The following HEPHL1 variants were observed in gnomAD, a reference collection of about 807,000 sequenced individuals.
The protein encoded by HEPHL1 is ferroxidase HEPHL1.
HEPHL1 carries 123 observed loss-of-function variants against 122.0 expected under a neutral mutation model. The observed-to-expected ratio is 1.01, with a 90% CI of 0.87 to 1.17. HEPHL1 has a LOEUF of 1.17. HEPHL1 is among the 50% of genes most tolerant of loss of function. The probability of loss-of-function intolerance (pLI) is 0.00; values close to 1 mark genes in which losing one functional copy is unlikely to be tolerated. For missense variants in HEPHL1, 1,452 were observed against 1,430.5 expected (o/e 1.01, Z -0.24); for synonymous variants, 527 against 508.9 (o/e 1.04, Z -0.48).
In HEPHL1 at chr11:94,104,726, T is replaced by G; in HGVS notation, c.2881T>G (p.Phe961Val). 1 of 1,613,538 alleles carries G rather than the reference T, an allele frequency of 6.2e-7. No individual in the cohort carries two copies. Among genetic ancestry groups the G allele is most frequent in the Non-Finnish European group, 8.5e-7 (1 of 1,179,502 alleles). ...ACGAGATTTTAAGCGCACTGATGAT[T>G]TTGAGGAAAGCAACAGAATGCATGG... Reference protein sequence around the residue: ...DPRDFKRTDDFEESNRMHAIN... With the variant: ...DPRDFKRTDDVEESNRMHAIN... The change falls in exon 16 of 20, where the codon TTT (phenylalanine) becomes GTT (valine). Residue 961 changes from phenylalanine (F) to valine (V), a missense_variant. Phe to Val is a conservative substitution (Grantham distance 50, BLOSUM62 -1). Coordinates refer to ENST00000315765, the MANE Select transcript of HEPHL1 (RefSeq NM_001098672.2).
intron 18 of HEPHL1, 28 bp from the exon 19 acceptor site, chr11:94,111,509 A>G: frequency 6.5e-7 from 1 of 1,550,368 alleles, no homozygotes; most frequent in Non-Finnish European, 8.8e-7. Context: ...GTTGTTAATA[A>G]AACAATGAAC....
intron 17 of HEPHL1, among the ~76,000 whole-genome samples, chr11:94,109,618 C>T (rs981840932): frequency 6.6e-6 from 1 of 152,112 alleles, no homozygotes; most frequent in Non-Finnish European, 1.5e-5. Flanking sequence ...GCTTTTTCTT[C>T]TTTAATCTGT....
chr11:94,084,334 G>A (rs3020012), intron 10 of HEPHL1, among the ~76,000 whole-genome samples: 6 of 146,264 alleles, frequency 4.1e-5, no homozygotes, highest in African/African-American at 1.5e-4. Flanking sequence ...CCCTCTCTCT[G>A]TTTAAATAAA....
chr11:94,088,407 A>T (rs1023605898), intron 11 of HEPHL1, among the ~76,000 whole-genome samples: 1 of 152,206 alleles, frequency 6.6e-6, no homozygotes, highest in African/African-American at 2.4e-5. Flanking sequence ...GTTCTTTTTA[A>T]ACTGGGCTGG....
chr11:94,111,956 C>G lies in HEPHL1; in HGVS notation c.*62C>G. ...CCACAGCTGGCCAGATGGCAGCCAA[C>G]AGGGAAACTGGACCAAGGCATCACT... is the stretch of plus-strand genomic sequence containing the variant. On this transcript the variant is annotated 3_prime_UTR_variant, in exon 20 of 20. Coordinates refer to ENST00000315765, the MANE Select transcript of HEPHL1 (RefSeq NM_001098672.2). 1 of 1,256,618 alleles carries G rather than the reference C, an allele frequency of 8.0e-7. No individual in the cohort carries two copies. 77.8% of individuals were successfully genotyped at this position (1,256,618 alleles called of 1,614,324 possible). A position where few individuals can be genotyped will look rare whatever the true frequency, so the allele number is the denominator to read the frequency against.
chr11:94,037,652 T>C (rs1945738965), intron 1 of HEPHL1, among the ~76,000 whole-genome samples: 1 of 152,118 alleles, frequency 6.6e-6, no homozygotes, highest in Non-Finnish European at 1.5e-5. Flanking sequence ...GACCTGCAGC[T>C]GAGGGTCCTG....
chr11:94,076,584 G>A (rs1946126807), intron 9 of HEPHL1, among the ~76,000 whole-genome samples: 1 of 150,922 alleles, frequency 6.6e-6, no homozygotes, highest in Non-Finnish European at 1.5e-5. Flanking sequence ...ACTATTCATG[G>A]TCAGTCCACT....
At position 94,063,666 on chromosome 11, in the gene HEPHL1, G is replaced by T. The variant is rs765796645; in HGVS notation, c.574G>T (p.Ala192Ser). 6.2e-7 allele frequency: 1 copy of T among 1,613,786 alleles called. No homozygotes were observed. Among genetic ancestry groups the T allele is most frequent in the East Asian group, 2.2e-5 (1 of 44,874 alleles). The stretch of plus-strand genomic sequence containing the variant: ...CTGGGTGTACCATTCGCACATCGAC[G>T]CCCCAAAGGACATCTGCTCTGGGCT... ...LTWVYHSHID[A>S]PKDICSGLIG... is the part of the protein sequence containing the mutation. The change falls in exon 3 of 20, where the codon GCC becomes TCC. Residue 192 changes from alanine to serine, a missense_variant. Transcript: ENST00000315765.
intron 4 of HEPHL1, 75 bp from the exon 5 acceptor site, chr11:94,067,420 GC>G: frequency 6.9e-7 from 1 of 1,445,648 alleles, no homozygotes; most frequent in Non-Finnish European, 9.6e-7. Context: ...CCATGCTTAA[GC>G]CCGTATTACC....
At chr11:94,046,091 C>CTTTTTTTT (rs755367459) in intron 2 of HEPHL1, among the ~76,000 whole-genome samples, 174 bp downstream of exon 2, 1,781 of 64,986 alleles carry the variant, frequency 0.027, 531 homozygotes, top group South Asian at 0.056. Flanking sequence ...CCCTTTCTTG[C>CTTTTTTTT]TTTTTTTTTT....
chr11:94,045,739 C>T lies in HEPHL1; in HGVS notation c.237C>T (p.Tyr79=), dbSNP rs768315885. ...RIGSIYKKAV[Y]RRFTDGTYSI... The stretch of plus-strand genomic sequence containing the variant: ...GCAGTATTTACAAAAAGGCTGTTTA[C>T]AGACGCTTCACGGATGGAACCTACT... Residue 79 remains tyrosine, a synonymous_variant, in exon 2 of 20, where the codon TAC becomes TAT. Transcript: ENST00000315765. 1.2e-6 allele frequency: 2 copies of T among 1,613,506 alleles called. No individual in the cohort carries two copies. The highest frequency in any genetic ancestry group is 1.3e-5 in the African/African-American group (1 of 74,930).
At chr11:94,048,458 C>A (rs1353521087) in intron 2 of HEPHL1, among the ~76,000 whole-genome samples, 1 of 152,076 alleles carries the variant, frequency 6.6e-6, no homozygotes, top group Non-Finnish European at 1.5e-5. Flanking sequence ...CTCCTGTGCT[C>A]AAGTGATCCT....
intron 17 of HEPHL1, 71 bp from the exon 18 acceptor site, chr11:94,110,832 C>A: frequency 1.6e-6 from 2 of 1,255,520 alleles, no homozygotes; most frequent in Non-Finnish European, 1.1e-6. Flanking sequence ...TTTGTTTTTG[C>A]TCTTCTTTCT....
intron 1 of HEPHL1, among the ~76,000 whole-genome samples, chr11:94,039,517 C>G (rs1214125179): frequency 6.6e-6 from 1 of 150,768 alleles, no homozygotes; most frequent in Non-Finnish European, 1.5e-5. Flanking sequence ...TTATAACAAA[C>G]TATCTCTCAG....
At chr11:94,050,867 T>G (rs1201893951) in intron 2 of HEPHL1, among the ~76,000 whole-genome samples, 2 of 152,120 alleles carry the variant, frequency 1.3e-5, no homozygotes, top group Non-Finnish European at 2.9e-5. Flanking sequence ...CTGTATGAGT[T>G]CAATTGTTTT....
chr11:94,074,575 C>T (rs1327822938), intron 8 of HEPHL1, among the ~76,000 whole-genome samples: 3 of 152,032 alleles, frequency 2.0e-5, no homozygotes, highest in Non-Finnish European at 4.4e-5. Context: ...GAGCCTCTGG[C>T]CTTGTCTAGT....
intron 9 of HEPHL1, among the ~76,000 whole-genome samples, chr11:94,081,863 C>G (rs1946173027): frequency 6.6e-6 from 1 of 152,178 alleles, no homozygotes; most frequent in African/African-American, 2.4e-5. Context: ...GAGTGAGTTT[C>G]TGGGCAGAAG....
chr11:94,081,476 C>T (rs1056950002), intron 9 of HEPHL1, among the ~76,000 whole-genome samples: 19 of 152,288 alleles, frequency 1.2e-4, no homozygotes, highest in African/African-American at 3.6e-4. Flanking sequence ...AAAACATAGT[C>T]ATCTCTCTGG....
At chr11:94,051,910 G>A in intron 2 of HEPHL1, among the ~76,000 whole-genome samples, 1 of 152,080 alleles carries the variant, frequency 6.6e-6, no homozygotes, top group East Asian at 1.9e-4. Context: ...TTTCCCCAGT[G>A]TGTGTTCTTG....
Sources: gnomAD v4.1 joint callset for allele counts (sites outside exome capture counted in the v4.1 genomes callset) on GRCh38, gnomAD v4.1.1 for gene constraint, MANE v1.5 for transcripts, NCBI Gene and HGNC (gene_info 2026-07-23, HGNC 2026-07-21) for gene names.